TMEM178B: variants seen among roughly 807,000 people sequenced by gnomAD.
The protein encoded by TMEM178B is transmembrane protein 178B.
TMEM178B carries 5 observed loss-of-function variants against 31.0 expected under a neutral mutation model. That is an observed-to-expected ratio of 0.16 (90% CI 0.08 to 0.34). The LOEUF (loss-of-function observed/expected upper bound fraction) is 0.34, where lower values mean the gene tolerates loss of function less well. Ranked by LOEUF, TMEM178B falls within the 10% of genes least tolerant of loss-of-function variation. TMEM178B has a pLI of 1.00. For missense variants in TMEM178B, 275 were observed against 400.3 expected (o/e 0.69, Z 2.67); for synonymous variants, 164 against 164.0 (o/e 1.00, Z 0.00).
downstream of TMEM178B, among the ~76,000 whole-genome samples, chr7:141,481,305 G>A (rs1033559846): frequency 2.6e-5 from 4 of 152,178 alleles, no homozygotes; most frequent in Admixed American, 2.6e-4. Flanking sequence ...TGAGGGATGA[G>A]CCCTGCCTCC....
intron 2 of TMEM178B, among the ~76,000 whole-genome samples, chr7:141,308,549 C>G (rs1483628142): frequency 6.6e-6 from 1 of 152,098 alleles, no homozygotes; most frequent in Non-Finnish European, 1.5e-5. Flanking sequence ...CAGGCATGAG[C>G]CACTGTGCCC....
rs143490406 is a variant in TMEM178B at position 141,479,833 on chromosome 7, G to A, written c.*9047G>A. 1 of 152,302 alleles carries A rather than the reference G, an allele frequency of 6.6e-6. No homozygotes were observed. The highest frequency in any genetic ancestry group is 1.5e-5 in the Non-Finnish European group (1 of 68,016). The allele number at this position is 152,302 out of a possible 1,614,324, so 9.4% of individuals were successfully genotyped here. A position where few individuals can be genotyped will look rare whatever the true frequency, so the allele number is the denominator to read the frequency against. The stretch of plus-strand genomic sequence containing the variant: ...AGTGCTTTCTGATTGGTCAGACAAG[G>A]AGTGGTGTGTACTGCAGGATTCTAA... On this transcript the variant is annotated 3_prime_UTR_variant, in exon 4 of 4. Transcript: ENST00000565468.
At chr7:141,130,615 G>T (rs1287628649) in intron 1 of TMEM178B, among the ~76,000 whole-genome samples, 2 of 152,094 alleles carry the variant, frequency 1.3e-5, no homozygotes, top group Admixed American at 1.3e-4. Flanking sequence ...TATTATGAAT[G>T]AAACTTTTAT....
chr7:141,373,975 A>T (rs533200135), intron 2 of TMEM178B, among the ~76,000 whole-genome samples: 197 of 152,332 alleles, frequency 1.3e-3, no homozygotes, highest in African/African-American at 4.6e-3. Context: ...ATGGACTTTA[A>T]CAGACAAGGA....
intron 2 of TMEM178B, among the ~76,000 whole-genome samples, chr7:141,302,249 C>T (rs1460642462): frequency 2.6e-5 from 4 of 152,166 alleles, no homozygotes; most frequent in Non-Finnish European, 5.9e-5. Context: ...GTCCATTATT[C>T]AGTCTTAAAA....
chr7:141,218,080 C>T (rs913471901), intron 2 of TMEM178B, among the ~76,000 whole-genome samples: 1 of 151,668 alleles, frequency 6.6e-6, no homozygotes, highest in Non-Finnish European at 1.5e-5. Flanking sequence ...CTCCCTACCC[C>T]CAACCCCGCA....
chr7:141,509,604 T>C, the TMEM178B span, among the ~76,000 whole-genome samples: 1 of 152,086 alleles, frequency 6.6e-6, no homozygotes, highest in Non-Finnish European at 1.5e-5. Context: ...GAGCCGAGAT[T>C]GTACCACTGC....
chr7:141,218,499 C>T (rs946965662), intron 2 of TMEM178B, among the ~76,000 whole-genome samples: 4 of 152,212 alleles, frequency 2.6e-5, no homozygotes, highest in Non-Finnish European at 5.9e-5. Flanking sequence ...AGCTCTTGAT[C>T]TCTCACCACT....
intron 2 of TMEM178B, among the ~76,000 whole-genome samples, chr7:141,377,034 A>G (rs1050784974): frequency 1.3e-5 from 2 of 152,184 alleles, no homozygotes; most frequent in African/African-American, 4.8e-5. Context: ...AGAGCCAAAA[A>G]GAAAATATGC....
chr7:141,217,497 C>A (rs937693933), intron 2 of TMEM178B, among the ~76,000 whole-genome samples: 2 of 152,198 alleles, frequency 1.3e-5, no homozygotes, highest in African/African-American at 4.8e-5. Context: ...CAGGTGAGGA[C>A]CCCAGGGAGG....
At chr7:141,077,506 T>C (rs1794618970) in intron 1 of TMEM178B, among the ~76,000 whole-genome samples, 2 of 152,226 alleles carry the variant, frequency 1.3e-5, no homozygotes, top group African/African-American at 4.8e-5. Context: ...GATTTGAAGG[T>C]AAAGTCCTCT....
chr7:141,396,063 T>TGA, intron 2 of TMEM178B, among the ~76,000 whole-genome samples: 1 of 151,964 alleles, frequency 6.6e-6, no homozygotes, highest in Non-Finnish European at 1.5e-5. Context: ...GGCCATGCCC[T>TGA]GAGAGAGAGA....
At chr7:141,447,317 A>G (rs1586966590) in intron 3 of TMEM178B, among the ~76,000 whole-genome samples, 1 of 152,018 alleles carries the variant, frequency 6.6e-6, no homozygotes, top group South Asian at 2.1e-4. Flanking sequence ...GCTTGAATGT[A>G]GGGGGCAGGA....
chr7:141,299,167 C>G (rs2116437630), intron 2 of TMEM178B, among the ~76,000 whole-genome samples: 1 of 152,116 alleles, frequency 6.6e-6, no homozygotes, highest in Non-Finnish European at 1.5e-5. Flanking sequence ...TTCTTAGAAA[C>G]CAAGCCAGTT....
intron 2 of TMEM178B, among the ~76,000 whole-genome samples, chr7:141,315,765 G>A (rs1798991231): frequency 6.6e-6 from 1 of 152,182 alleles, no homozygotes; most frequent in Non-Finnish European, 1.5e-5. Context: ...GACATGTGGA[G>A]TTGCTTGGCA....
At chr7:141,133,746 A>G (rs920024424) in intron 1 of TMEM178B, among the ~76,000 whole-genome samples, 14 of 152,214 alleles carry the variant, frequency 9.2e-5, no homozygotes, top group African/African-American at 3.4e-4. Flanking sequence ...AAAATTCTCA[A>G]ATAGATTCAA....
chr7:141,128,044 G>A (rs149204490), intron 1 of TMEM178B, among the ~76,000 whole-genome samples: 35 of 152,226 alleles, frequency 2.3e-4, no homozygotes, highest in African/African-American at 8.4e-4. Context: ...ATTTATTCCT[G>A]TATTGATAAG....
intron 3 of TMEM178B, among the ~76,000 whole-genome samples, chr7:141,438,016 TC>T (rs1218765283): frequency 6.6e-6 from 1 of 152,154 alleles, no homozygotes; most frequent in African/African-American, 2.4e-5. Context: ...ACGGAGATGA[TC>T]ATGAGACGGG....
chr7:141,230,385 A>AT, intron 2 of TMEM178B, among the ~76,000 whole-genome samples: 1 of 152,350 alleles, frequency 6.6e-6, no homozygotes, highest in East Asian at 1.9e-4. Flanking sequence ...GATTTGATTG[A>AT]TAAAAAAAGT....
Sources: gnomAD v4.1 joint callset for allele counts (sites outside exome capture counted in the v4.1 genomes callset) on GRCh38, gnomAD v4.1.1 for gene constraint, MANE v1.5 for transcripts, NCBI Gene and HGNC (gene_info 2026-07-23, HGNC 2026-07-21) for gene names.